GSAP: variants seen among roughly 807,000 people sequenced by gnomAD.
The protein encoded by GSAP is gamma-secretase activating protein, also known as gamma-secretase-activating protein.
Under a neutral mutation model 131.7 loss-of-function variants are expected in GSAP, and 118 were observed. That is an observed-to-expected ratio of 0.90 (90% CI 0.77 to 1.04). GSAP has a LOEUF of 1.04. GSAP is among the 50% of genes least tolerant of loss of function. The probability of loss-of-function intolerance (pLI) is 0.00; values close to 1 mark genes in which losing one functional copy is unlikely to be tolerated. For synonymous variants in GSAP, 381 were observed against 363.4 expected (o/e 1.05, Z -0.55); for missense variants, 1,019 against 1,013.2 (o/e 1.01, Z -0.08).
intron 12 of GSAP, among the ~76,000 whole-genome samples, chr7:77,363,110 T>A (rs1422355164): frequency 6.6e-6 from 1 of 152,242 alleles, no homozygotes; most frequent in Non-Finnish European, 1.5e-5. Flanking sequence ...AAAGGCAAAG[T>A]GTGATCTATC....
chr7:77,371,901 T>G (rs1796173601), intron 12 of GSAP, among the ~76,000 whole-genome samples: 1 of 152,228 alleles, frequency 6.6e-6, no homozygotes, highest in Admixed American at 6.5e-5. Flanking sequence ...TACCATCCTA[T>G]AAATTACTAA....
chr7:77,338,966 T>C (rs180763999), intron 19 of GSAP, among the ~76,000 whole-genome samples: 23 of 152,270 alleles, frequency 1.5e-4, no homozygotes, highest in African/African-American at 5.5e-4. Flanking sequence ...TCAGGGCACT[T>C]ATCTACTAAG....
At chr7:77,388,140 C>T (rs531309496) in intron 5 of GSAP, among the ~76,000 whole-genome samples, 56 of 152,330 alleles carry the variant, frequency 3.7e-4, no homozygotes, top group African/African-American at 1.3e-3. Flanking sequence ...ACAAATTCAA[C>T]AGAGACACAG....
At chr7:77,377,200 G>A in intron 9 of GSAP, 86 bp downstream of exon 9, 4 of 1,199,800 alleles carry the variant, frequency 3.3e-6, no homozygotes, top group South Asian at 2.4e-5. Context: ...CTCAGCAAGA[G>A]AGCAAGACCC....
chr7:77,313,608 GT>G (rs1794657473), intron 27 of GSAP, 59 bp from the exon 28 acceptor site: 2 of 799,196 alleles, frequency 2.5e-6, no homozygotes, highest in African/African-American at 1.7e-5. Flanking sequence ...ACTTTAGCAA[GT>G]TAATATTAAT....
intron 3 of GSAP, among the ~76,000 whole-genome samples, chr7:77,399,242 C>T (rs149492739): frequency 2.0e-4 from 30 of 152,292 alleles, no homozygotes; most frequent in Non-Finnish European, 2.6e-4. Context: ...GGCAAAAAGA[C>T]AATTAGTGGC....
At chr7:77,371,538 G>A (rs780255592) in intron 12 of GSAP, among the ~76,000 whole-genome samples, 2 of 150,942 alleles carry the variant, frequency 1.3e-5, no homozygotes, top group African/African-American at 2.4e-5. Context: ...GGGTTCAAGC[G>A]ATTTTCCTGC....
At chr7:77,395,223 T>C (rs959241601) in intron 5 of GSAP, among the ~76,000 whole-genome samples, 1 of 152,102 alleles carries the variant, frequency 6.6e-6, no homozygotes, top group African/African-American at 2.4e-5. Context: ...CAATAAAGAA[T>C]TTTTAAGGCT....
intron 1 of GSAP, among the ~76,000 whole-genome samples, chr7:77,415,024 A>G (rs753777449): frequency 7.9e-5 from 12 of 152,058 alleles, no homozygotes; most frequent in Non-Finnish European, 1.2e-4. Flanking sequence ...CGCCCAGCTA[A>G]TTTTTGTATA....
intron 5 of GSAP, among the ~76,000 whole-genome samples, chr7:77,391,175 T>A (rs1799474251): frequency 6.8e-6 from 1 of 147,794 alleles, no homozygotes; most frequent in Non-Finnish European, 1.5e-5. Context: ...ACCATATATT[T>A]GGCTTTTTTT....
At chr7:77,311,987 C>G in intron 29 of GSAP, 47 bp from the exon 30 acceptor site, 1 of 1,267,880 alleles carries the variant, frequency 7.9e-7, no homozygotes, top group Non-Finnish European at 1.2e-6. Flanking sequence ...CCACAATAAG[C>G]ACAATTTTAA....
intron 19 of GSAP, among the ~76,000 whole-genome samples, chr7:77,342,895 C>T (rs957642566): frequency 2.6e-5 from 4 of 152,170 alleles, no homozygotes; most frequent in Non-Finnish European, 5.9e-5. Flanking sequence ...ATATACTCTC[C>T]TATCCTCAAT....
intron 12 of GSAP, among the ~76,000 whole-genome samples, chr7:77,365,910 T>G (rs1013638404): frequency 2.0e-5 from 3 of 150,800 alleles, no homozygotes; most frequent in Non-Finnish European, 3.0e-5. Flanking sequence ...TTTTTTTTTT[T>G]TTTTTTTTTT....
intron 19 of GSAP, among the ~76,000 whole-genome samples, chr7:77,339,196 T>TA (rs1309767930): frequency 2.6e-5 from 4 of 152,112 alleles, no homozygotes; most frequent in Non-Finnish European, 4.4e-5. Context: ...TCCATCCCTC[T>TA]ATAATTAAGT....
chr7:77,410,431 C>T (rs141266865), intron 1 of GSAP, among the ~76,000 whole-genome samples: 1 of 152,298 alleles, frequency 6.6e-6, no homozygotes, highest in East Asian at 1.9e-4. Flanking sequence ...ACTCTTCTCC[C>T]AGTAGTTCAT....
rs201882553 is a variant in GSAP, at chr7:77,406,086, A to G, written c.129T>C (p.Tyr43=). Reference sequence around the variant, plus strand: ...CAACATTTAATACATGTAAGCTCTCATAATCGTTTTCTAAAACATCTGAAA... The same window carrying G: ...CAACATTTAATACATGTAAGCTCTCGTAATCGTTTTCTAAAACATCTGAAA... The part of the protein sequence containing the change: ...SGGADVLEND[Y]ESLHVLNVER... Residue 43 remains tyrosine, a synonymous_variant, in exon 2 of 31, where the codon TAT becomes TAC. Transcript: ENST00000257626. 8.2e-7 allele frequency: 1 copy of G among 1,220,058 alleles called. No homozygotes were observed. The allele number at this position is 1,220,058 out of a possible 1,614,324, so 75.6% of individuals were successfully genotyped here.
intron 5 of GSAP, among the ~76,000 whole-genome samples, chr7:77,391,125 C>CAAAAAAAAAA (rs3083869): frequency 3.5e-4 from 23 of 65,102 alleles, no homozygotes; most frequent in East Asian, 6.3e-4. Context: ...GGCTCCGTCT[C>CAAAAAAAAAA]AAAAAAAAAA....
intron 30 of GSAP, 193 bp downstream of exon 30, chr7:77,311,648 T>C: frequency 1.7e-6 from 1 of 591,454 alleles, no homozygotes; most frequent in South Asian, 2.2e-5. Context: ...CTTGACTCTT[T>C]TAAAACTTCA....
At chr7:77,383,506 T>G (rs187609481) in intron 6 of GSAP, among the ~76,000 whole-genome samples, 3 of 152,212 alleles carry the variant, frequency 2.0e-5, no homozygotes, top group Admixed American at 2.0e-4. Context: ...CCACATGAGT[T>G]GAGAATTTAC....
Sources: allele counts gnomAD v4.1 joint callset (sites outside exome capture counted in the v4.1 genomes callset), GRCh38; gene constraint gnomAD v4.1.1; transcripts MANE v1.5; gene names NCBI Gene and HGNC (gene_info 2026-07-23, HGNC 2026-07-21).